The following RET variants were observed in gnomAD, a reference collection of about 807,000 sequenced individuals.
The protein encoded by RET is proto-oncogene tyrosine-protein kinase receptor Ret.
Under a neutral mutation model 118.3 loss-of-function variants are expected in RET, and 19 were observed. That is an observed-to-expected ratio of 0.16 (90% CI 0.11 to 0.24). The LOEUF is 0.24. Among genes scored for constraint, RET ranks in the 10% least tolerant of loss-of-function variants. The probability of loss-of-function intolerance (pLI) is 1.00; values close to 1 mark genes in which losing one functional copy is unlikely to be tolerated. For synonymous variants in RET, 597 were observed against 644.1 expected, an observed-to-expected ratio of 0.93 and a Z score of 1.11; for missense variants, 1,219 against 1,502.1, an observed-to-expected ratio of 0.81 and a Z score of 3.12.
rs1837733068 is a variant in RET, at chr10:43,105,059, G to A, written c.733G>A (p.Val245Met). 1.9e-6 allele frequency: 3 copies of A among 1,609,474 alleles called. No homozygotes were observed. Among genetic ancestry groups the A allele is most frequent in the Middle Eastern group, 1.7e-4 (1 of 5,906 alleles). ...GTACGAGCTGGTGGCCGTGTGCACCGTGCACGCCGGCGCGCGCGAGGAGGT... is the reference window on the plus strand; with the variant it reads ...GTACGAGCTGGTGGCCGTGTGCACCATGCACGCCGGCGCGCGCGAGGAGGT... ...EKYELVAVCT[V>M]HAGAREEVVM... The change falls in exon 4 of 20, where the codon GTG becomes ATG. Residue 245 changes from valine (V) to methionine (M), a missense_variant. Val to Met is a conservative substitution (Grantham distance 21, BLOSUM62 1). This residue lies in a region of RET where 850 missense variants were observed against 969.6 expected (regional missense o/e 0.88). Transcript: ENST00000355710.
Position 43,126,600 on chromosome 10 carries a change from C to T in RET, c.3065C>T (p.Thr1022Ile), listed in dbSNP as rs1262202036. The T allele has an allele frequency of 6.2e-7, 1 of 1,614,204 alleles. No homozygotes were observed. The highest frequency in any genetic ancestry group is 8.5e-7 in the Non-Finnish European group (1 of 1,180,046). ...RRDYLDLAAS[T>I]PSDSLIYDDG... ...GACTACTTGGACCTTGCGGCGTCCACTCCATCTGACTCCCTGATTTATGAC... is the reference window on the plus strand; with the variant it reads ...GACTACTTGGACCTTGCGGCGTCCATTCCATCTGACTCCCTGATTTATGAC... The change falls in exon 19 of 20, where the codon ACT becomes ATT. Residue 1022 changes from threonine (T) to isoleucine (I), a missense_variant. By Grantham distance (89) the Thr-to-Ile change is moderately conservative (BLOSUM62 -1). Around this residue, in one of 5 missense-constraint regions of RET, gnomAD observed 174 missense variants for 179.3 expected, o/e 0.97. Transcript: ENST00000355710.
At chr10:43,118,151 G>A (rs1341102050) in intron 12 of RET, among the ~76,000 whole-genome samples, 1 of 152,208 alleles carries the variant, frequency 6.6e-6, no homozygotes, top group African/African-American at 2.4e-5. Context: ...GGAAAGATCC[G>A]GCATGTGTGG....
chr10:43,089,535 A>G (rs1242355699), intron 1 of RET, among the ~76,000 whole-genome samples: 1 of 152,224 alleles, frequency 6.6e-6, no homozygotes, highest in African/African-American at 2.4e-5. Flanking sequence ...CAAGGCGTGC[A>G]GGTGGCGTAG....
At chr10:43,126,242 C>A (rs1588880800) in intron 18 of RET, among the ~76,000 whole-genome samples, 1 of 152,222 alleles carries the variant, frequency 6.6e-6, no homozygotes, top group Non-Finnish European at 1.5e-5. Context: ...GGGCCAGGGG[C>A]AGCTAGATGA....
intron 5 of RET, among the ~76,000 whole-genome samples, chr10:43,107,325 T>G (rs1837804347): frequency 6.6e-6 from 1 of 152,182 alleles, no homozygotes; most frequent in African/African-American, 2.4e-5. Context: ...CTGAACACCC[T>G]GTGTGCCAGA....
chr10:43,121,008 C>T (rs768239546), intron 15 of RET, among the ~76,000 whole-genome samples: 1 of 151,926 alleles, frequency 6.6e-6, no homozygotes, highest in Admixed American at 6.6e-5. Flanking sequence ...TCTGGAGAAG[C>T]CATTTGTGTT....
At chr10:43,122,115 T>C (rs1165184136) in intron 16 of RET, 99 bp downstream of exon 16, 3 of 931,880 alleles carry the variant, frequency 3.2e-6, no homozygotes, top group Admixed American at 1.7e-5. Context: ...GGCCAGGGAA[T>C]TGCACTGGCC....
At chr10:43,083,392 C>T (rs949406546) in intron 1 of RET, among the ~76,000 whole-genome samples, 4 of 152,236 alleles carry the variant, frequency 2.6e-5, no homozygotes, top group African/African-American at 9.6e-5. Flanking sequence ...AGGGGCTTAA[C>T]GCCATCTACT....
At chr10:43,123,092 AC>A (rs1297815168) in intron 16 of RET, among the ~76,000 whole-genome samples, 1 of 152,206 alleles carries the variant, frequency 6.6e-6, no homozygotes, top group Non-Finnish European at 1.5e-5. Context: ...CGTGGTGTGC[AC>A]ATGTATGCTT....
At chr10:43,097,082 A>G (rs1012055447) in intron 1 of RET, among the ~76,000 whole-genome samples, 1 of 152,192 alleles carries the variant, frequency 6.6e-6, no homozygotes. Context: ...TGGGCCCCCC[A>G]CGATCCTGTA....
Position 43,123,652 on chromosome 10 carries a change from G to T in RET, c.2802-19G>T. ...GAGGGCCAGGTGGAGCCACTCACTGGTCCTTTCACTCTCTGCAGATGGTCT... is the reference window on the plus strand; with the variant it reads ...GAGGGCCAGGTGGAGCCACTCACTGTTCCTTTCACTCTCTGCAGATGGTCT... On this transcript the variant is annotated intron_variant, in intron 16 of 19. Coordinates refer to ENST00000355710, the MANE Select transcript of RET (RefSeq NM_020975.6). 10 of 1,614,056 alleles carry T rather than the reference G, an allele frequency of 6.2e-6. No individual in the cohort carries two copies. Among genetic ancestry groups the T allele is most frequent in the Non-Finnish European group, 8.5e-6 (10 of 1,180,000 alleles).
At chr10:43,082,850 G>C (rs1010560298) in intron 1 of RET, among the ~76,000 whole-genome samples, 4 of 152,246 alleles carry the variant, frequency 2.6e-5, no homozygotes, top group Admixed American at 1.3e-4. Flanking sequence ...GGACGAGGGT[G>C]GGTGAGCTGG....
Position 43,096,182 on chromosome 10 carries a change from A to G in RET, c.74-4277A>G, listed in dbSNP as rs192876082. Among the ~76,000 whole-genome samples, 402 of 152,112 alleles carry G rather than the reference A, an allele frequency of 2.6e-3. 2 individuals carry two copies. The highest frequency in any genetic ancestry group is 4.0e-3 in the Non-Finnish European group (273 of 67,952). On this transcript the variant is annotated intron_variant, in intron 1 of 19. Coordinates refer to ENST00000355710, the MANE Select transcript of RET (RefSeq NM_020975.6). ...TGTAAGTCCTGCTGGTGACCTTCCC[A>G]TGGTGCCAGGAGTGGGAGTGTCTGT...
At chr10:43,104,799 G>A in intron 3 of RET, 153 bp from the exon 4 acceptor site, 1 of 1,192,900 alleles carries the variant, frequency 8.4e-7, no homozygotes, top group Non-Finnish European at 1.2e-6. Context: ...CTCGTGCTCC[G>A]AGCGCTGCCC....
At chr10:43,085,210 A>G (rs1837264442) in intron 1 of RET, among the ~76,000 whole-genome samples, 1 of 152,154 alleles carries the variant, frequency 6.6e-6, no homozygotes, top group African/African-American at 2.4e-5. Flanking sequence ...CTGTGCTCCC[A>G]AGGAGGAGTT....
At chr10:43,107,572 C>G (rs1017551143) in intron 5 of RET, among the ~76,000 whole-genome samples, 2 of 149,248 alleles carry the variant, frequency 1.3e-5, no homozygotes, top group Non-Finnish European at 2.9e-5. Context: ...CACACACACA[C>G]ACACACACAC....
Position 43,109,055 on chromosome 10 carries a change from C to T in RET, c.1088C>T (p.Ser363Phe), listed in dbSNP as rs766881522. ...GGGCTGGTTCTCAACCGGAACCTCT[C>T]CATCTCGGAGAACCGCACCATGCAG... The part of the protein sequence containing the change: ...DYRLVLNRNL[S>F]ISENRTMQLA... The change falls in exon 6 of 20, where the codon TCC becomes TTC. Residue 363 changes from serine to phenylalanine, a missense_variant. By Grantham distance (155) the Ser-to-Phe change is radical. Coordinates refer to ENST00000355710, the MANE Select transcript of RET (RefSeq NM_020975.6). The T allele has an allele frequency of 5.6e-6, 9 of 1,613,382 alleles. No homozygotes were observed. In the Admixed American group the frequency reaches 8.3e-5, roughly 15 times the overall value.
chr10:43,112,821 A>G (rs1395664153), intron 8 of RET, 32 bp from the exon 9 acceptor site: 3 of 1,577,256 alleles, frequency 1.9e-6, no homozygotes, highest in Non-Finnish European at 1.7e-6. Flanking sequence ...GGGCTCCCAC[A>G]TGGGTGACAG....
chr10:43,086,161 C>T (rs765044558), intron 1 of RET, among the ~76,000 whole-genome samples: 6 of 152,028 alleles, frequency 3.9e-5, no homozygotes, highest in Non-Finnish European at 5.9e-5. Context: ...TGTGTGGCCT[C>T]CAGCAGGGTA....
Sources: allele counts gnomAD v4.1 joint callset (sites outside exome capture counted in the v4.1 genomes callset), GRCh38; gene constraint gnomAD v4.1.1; regional missense constraint gnomAD v4.1.1; transcripts MANE v1.5; gene names NCBI Gene and HGNC (gene_info 2026-07-23, HGNC 2026-07-21).